FNBP1: variants seen among roughly 807,000 people sequenced by gnomAD.
FNBP1 encodes formin binding protein 1.
Under a neutral mutation model 90.6 loss-of-function variants are expected in FNBP1, and 26 were observed. The observed-to-expected ratio is 0.29, with a 90% CI of 0.21 to 0.40. The LOEUF (loss-of-function observed/expected upper bound fraction) is 0.40. Among genes scored for constraint, FNBP1 ranks in the 10% least tolerant of loss-of-function variants. The pLI, the probability that FNBP1 is intolerant of heterozygous loss-of-function variation, is 1.00. For missense variants in FNBP1, 635 were observed against 768.0 expected (o/e 0.83, Z 2.05); for synonymous variants, 260 against 265.2 (o/e 0.98, Z 0.19).
chr9:129,973,406 G>A (rs968943485), intron 4 of FNBP1, among the ~76,000 whole-genome samples: 1 of 152,230 alleles, frequency 6.6e-6, no homozygotes, highest in Non-Finnish European at 1.5e-5. Flanking sequence ...AGTCAAGTCA[G>A]GGTAGCCAAA....
At chr9:129,943,450 G>A (rs1396920255) in intron 6 of FNBP1, among the ~76,000 whole-genome samples, 2 of 129,882 alleles carry the variant, frequency 1.5e-5, no homozygotes, top group African/African-American at 2.9e-5. Context: ...GCAGTGGCGT[G>A]ATCTTGGCTC....
At chr9:130,045,093 C>T (rs535381555), upstream of FNBP1, 1 of 152,306 alleles carries the variant, frequency 6.6e-6, no homozygotes, top group South Asian at 2.1e-4. Flanking sequence ...TTTTGGTCTG[C>T]CTTTTTTCAG....
intron 6 of FNBP1, among the ~76,000 whole-genome samples, chr9:129,931,121 T>A (rs2042670556): frequency 6.6e-6 from 1 of 151,692 alleles, no homozygotes; most frequent in Non-Finnish European, 1.5e-5. Flanking sequence ...CTGGGCAACA[T>A]GGTGAGACCC....
chr9:129,890,529 G>A lies in FNBP1; in HGVS notation c.*10C>T. ...AGGAAGGCTCACCCGAGGCTCGCAG[G>A]CACTCCCCTCTAGGAATCTACAACA... is the stretch of plus-strand genomic sequence containing the variant. On this transcript the variant is annotated 3_prime_UTR_variant, in exon 17 of 17. Transcript: ENST00000446176. The surrounding 1 kb of genome is among the most constrained non-coding windows in gnomAD (Gnocchi z 5.8). 1 of 1,585,066 alleles carries A rather than the reference G, an allele frequency of 6.3e-7. No homozygotes were observed. Among genetic ancestry groups the A allele is most frequent in the East Asian group, 2.3e-5 (1 of 43,142 alleles).
chr9:130,014,243 CTTTCTTTT>C (rs1263000845), intron 1 of FNBP1, among the ~76,000 whole-genome samples: 3 of 148,846 alleles, frequency 2.0e-5, no homozygotes, highest in Non-Finnish European at 4.5e-5. Context: ...TTATTTCTTT[CTTTCTTTT>C]TTTTTTTTTT....
chr9:130,035,923 G>C (rs562397651), intron 1 of FNBP1, among the ~76,000 whole-genome samples: 6 of 152,096 alleles, frequency 3.9e-5, no homozygotes, highest in Non-Finnish European at 8.8e-5. Context: ...TCCAGCCTGG[G>C]CGACAAGAGC....
At chr9:129,941,345 C>T (rs192722563) in intron 6 of FNBP1, among the ~76,000 whole-genome samples, 2 of 152,158 alleles carry the variant, frequency 1.3e-5, no homozygotes, top group East Asian at 1.9e-4. Flanking sequence ...GCCAAGACTG[C>T]GTCATTGCAC....
At position 129,957,784 on chromosome 9, in the gene FNBP1, C is replaced by T. The variant is rs974149987; in HGVS notation, c.409-320G>A. Among the ~76,000 whole-genome samples the T allele has an allele frequency of 7.2e-5, 11 of 152,068 alleles. No homozygotes were observed. The highest frequency in any genetic ancestry group is 1.9e-4 in the African/African-American group (8 of 41,400). On this transcript the variant is annotated intron_variant, in intron 5 of 16. Coordinates refer to ENST00000446176, the MANE Select transcript of FNBP1 (RefSeq NM_015033.3). The surrounding 1 kb of genome is among the most constrained non-coding windows in gnomAD (Gnocchi z 4.3). ...CCCATGCTGGTCTTGAGCTTCTGAG[C>T]TCAAGCAATCCTCCCGCCTCTGCCT... is the stretch of plus-strand genomic sequence containing the variant.
chr9:129,907,580 G>GGTGTGTGTGTGTGTGT (rs55973122), intron 12 of FNBP1, among the ~76,000 whole-genome samples: 2 of 147,108 alleles, frequency 1.4e-5, no homozygotes, highest in Admixed American at 6.8e-5. Flanking sequence ...TAGGAGTGAG[G>GGTGTGTGTGTGTGTGT]GTGTGTGTGT....
At chr9:129,994,465 T>G (rs569834564) in intron 2 of FNBP1, among the ~76,000 whole-genome samples, 3 of 152,376 alleles carry the variant, frequency 2.0e-5, no homozygotes, top group African/African-American at 7.2e-5. Context: ...TTCTGTTTCT[T>G]GACCTGGGTG....
chr9:129,896,477 C>T (rs1281771093), intron 15 of FNBP1, among the ~76,000 whole-genome samples: 4 of 152,102 alleles, frequency 2.6e-5, no homozygotes, highest in Non-Finnish European at 2.9e-5. Flanking sequence ...TCCACCTCCC[C>T]GGTTCAAGCG....
chr9:129,994,192 A>G (rs1032757994), intron 2 of FNBP1, among the ~76,000 whole-genome samples: 60 of 152,368 alleles, frequency 3.9e-4, no homozygotes, highest in African/African-American at 1.3e-3. Flanking sequence ...AGAACGGATG[A>G]GTTCTGGTGC....
At chr9:130,036,015 C>A (rs1337880273) in intron 1 of FNBP1, among the ~76,000 whole-genome samples, 1 of 151,756 alleles carries the variant, frequency 6.6e-6, no homozygotes, top group African/African-American at 2.4e-5. Context: ...TATTTGGCCT[C>A]ATCATTAAAA....
At position 130,031,913 on chromosome 9, in the gene FNBP1, C is replaced by T. The variant is rs995981215; in HGVS notation, c.24+11039G>A. On this transcript the variant is annotated intron_variant, in intron 1 of 16. Coordinates refer to ENST00000446176, the MANE Select transcript of FNBP1 (RefSeq NM_015033.3). This position sits in a 1 kb window ranked among gnomAD's most constrained non-coding sequence, Gnocchi z 4.2. ...TCCTGACCTCATGATCTGCCCGACT[C>T]GGCCTTCCAAAGTGCTGGTATTACA... Among the ~76,000 whole-genome samples, 17 of 152,120 alleles carry T rather than the reference C, an allele frequency of 1.1e-4. No homozygotes were observed. Among genetic ancestry groups the T allele is most frequent in the African/African-American group, 2.9e-4 (12 of 41,428 alleles).
rs550026814 is a variant in FNBP1, at chr9:129,959,333, G to C, written c.346-780C>G. On this transcript the variant is annotated intron_variant, in intron 4 of 16. Transcript: ENST00000446176. ...ATAGGCTGGACGGTGGCTCACACCT[G>C]TAATCCCAGCACTTTGGGAGGCTGA... 1.4e-4 allele frequency among the ~76,000 whole-genome samples: 21 copies of C among 152,226 alleles called. No homozygotes were observed. The South Asian group carries it at 3.5e-3, about 26-fold the overall frequency.
At chr9:129,943,140 T>C (rs2044584009) in intron 6 of FNBP1, among the ~76,000 whole-genome samples, 1 of 151,988 alleles carries the variant, frequency 6.6e-6, no homozygotes, top group South Asian at 2.1e-4. Context: ...TCAGTGGCGC[T>C]TTCTCTTTTC....
rs2034886359 is a variant in FNBP1 at position 129,888,730 on chromosome 9, GCTGA to G, written c.*1805_*1808del. 4 of 233,074 alleles carry G rather than the reference GCTGA, an allele frequency of 1.7e-5. No individual in the cohort carries two copies. Among genetic ancestry groups the G allele is most frequent in the African/African-American group, 8.8e-5 (4 of 45,340 alleles). The allele number at this position is 233,074 out of a possible 1,614,324, so 14.4% of individuals were successfully genotyped here. On this transcript the variant is annotated 3_prime_UTR_variant, in exon 17 of 17. Coordinates refer to ENST00000446176, the MANE Select transcript of FNBP1 (RefSeq NM_015033.3). ...CGCTTGTGGTTTCTCGTCCCCGAGGGCTGACTGAGCTGCTCCGGAAGGGTGGTGT... is the reference window on the plus strand; with the variant it reads ...CGCTTGTGGTTTCTCGTCCCCGAGGGCTGAGCTGCTCCGGAAGGGTGGTGT...
chr9:130,025,726 C>A (rs960038033), intron 1 of FNBP1, among the ~76,000 whole-genome samples: 2 of 152,204 alleles, frequency 1.3e-5, no homozygotes, highest in Non-Finnish European at 2.9e-5. Flanking sequence ...GAGTTCCAGA[C>A]CAGCCTGGCC....
chr9:130,036,264 G>T (rs1206353508), intron 1 of FNBP1, among the ~76,000 whole-genome samples: 1 of 152,148 alleles, frequency 6.6e-6, no homozygotes, highest in African/African-American at 2.4e-5. Context: ...ACAAGTATGA[G>T]TAATACTTGC....
Sources: gnomAD v4.1 joint callset for allele counts (sites outside exome capture counted in the v4.1 genomes callset) on GRCh38, gnomAD v4.1.1 for gene constraint, Gnocchi (gnomAD v3.1) non-coding constraint, MANE v1.5 for transcripts, NCBI Gene and HGNC (gene_info 2026-07-23, HGNC 2026-07-21) for gene names.